The following C1QTNF3 variants were observed in gnomAD, a reference collection of about 807,000 sequenced individuals.
C1QTNF3 encodes the protein C1q and TNF related 3.
C1QTNF3 carries 26 observed loss-of-function variants against 32.6 expected under a neutral mutation model. That is an observed-to-expected ratio of 0.80 (90% confidence interval 0.58 to 1.11). The LOEUF is 1.11. Among genes scored for constraint, C1QTNF3 ranks in the 50% least tolerant of loss-of-function variants. C1QTNF3 has a pLI of 0.00. For synonymous variants in C1QTNF3, 155 were observed against 146.0 expected (o/e 1.06, Z -0.44); for missense variants, 362 against 398.2 (o/e 0.91, Z 0.77).
At chr5:34,070,438 CAT>C in the C1QTNF3 span, among the ~76,000 whole-genome samples, 1 of 152,106 alleles carries the variant, frequency 6.6e-6, no homozygotes, top group Non-Finnish European at 1.5e-5. Context: ...AAAACTATGA[CAT>C]ATTTAATATA....
At chr5:34,163,418 T>A in the C1QTNF3 span, among the ~76,000 whole-genome samples, 3 of 151,912 alleles carry the variant, frequency 2.0e-5, no homozygotes, top group African/African-American at 7.2e-5. Flanking sequence ...GCTACTATAG[T>A]TTTGCCTTAT....
the C1QTNF3 span, among the ~76,000 whole-genome samples, chr5:34,145,201 C>CA: frequency 6.6e-6 from 1 of 151,872 alleles, no homozygotes; most frequent in African/African-American, 2.4e-5. Context: ...AAAATCCATA[C>CA]AAAAGATACA....
chr5:34,205,838 C>T, the C1QTNF3 span, among the ~76,000 whole-genome samples: 1 of 148,942 alleles, frequency 6.7e-6, no homozygotes, highest in Non-Finnish European at 1.5e-5. Context: ...CCCTTAGCTA[C>T]AGGCACAGCT....
chr5:34,214,745 A>C, the C1QTNF3 span, among the ~76,000 whole-genome samples: 1 of 152,166 alleles, frequency 6.6e-6, no homozygotes, highest in Admixed American at 6.6e-5. Flanking sequence ...CCTCAGATGC[A>C]TCTCTAACGT....
At chr5:34,125,850 A>G in the C1QTNF3 span, among the ~76,000 whole-genome samples, 1 of 152,204 alleles carries the variant, frequency 6.6e-6, no homozygotes, top group Non-Finnish European at 1.5e-5. Flanking sequence ...CTTGACTTTA[A>G]TAGTCAATAC....
At chr5:34,142,620 AT>A in the C1QTNF3 span, among the ~76,000 whole-genome samples, 3 of 152,214 alleles carry the variant, frequency 2.0e-5, no homozygotes, top group African/African-American at 7.2e-5. Flanking sequence ...ATCTACTGTC[AT>A]TACTCTTACG....
chr5:34,225,518 C>T, the C1QTNF3 span, among the ~76,000 whole-genome samples: 1 of 151,938 alleles, frequency 6.6e-6, no homozygotes, highest in Non-Finnish European at 1.5e-5. Context: ...TTCATGATTT[C>T]TAGGACATCT....
chr5:34,020,663 G>A lies in C1QTNF3; in HGVS notation c.880C>T (p.Arg294Ter), dbSNP rs1173584671. ...CCATGGAGAGCGCCATTGCCCATTC[G>A]CAGCCAAACCTCATCCCCTTTGGCT... is the stretch of plus-strand genomic sequence containing the variant. ...KLAKGDEVWL[R>*]MGNGALHGDH... is the part of the protein sequence containing the mutation. Residue 294 changes from arginine (R) to a stop codon, truncating the protein, a stop_gained, in exon 6 of 6, where the codon CGA becomes TGA. Coordinates refer to ENST00000382065, the MANE Select transcript of C1QTNF3 (RefSeq NM_181435.6). LOFTEE classifies it high-confidence loss of function. 3.1e-6 allele frequency: 5 copies of A among 1,614,080 alleles called. No homozygotes were observed. The highest frequency in any genetic ancestry group is 1.7e-5 in the Admixed American group (1 of 60,008).
chr5:34,035,571 T>G, intron 2 of C1QTNF3, 76 bp downstream of exon 2: 1 of 1,075,500 alleles, frequency 9.3e-7, no homozygotes, highest in Non-Finnish European at 1.4e-6. Context: ...TGATCCCAAA[T>G]TATTAAGGTT....
the C1QTNF3 span, among the ~76,000 whole-genome samples, chr5:34,184,469 T>G: frequency 3.9e-5 from 6 of 152,374 alleles, no homozygotes; most frequent in African/African-American, 1.4e-4. Flanking sequence ...ATCCCAGCAC[T>G]TCAGGAGGCC....
chr5:34,063,355 GTCTCTGTCTCTCTCC>G, the C1QTNF3 span, among the ~76,000 whole-genome samples: 1 of 148,008 alleles, frequency 6.8e-6, no homozygotes, highest in African/African-American at 2.5e-5. Context: ...TCTCTCCTCT[GTCTCTGTCTCTCTCC>G]TCTCTGTCTC....
chr5:34,209,149 A>G, the C1QTNF3 span, among the ~76,000 whole-genome samples: 1 of 152,220 alleles, frequency 6.6e-6, no homozygotes, highest in African/African-American at 2.4e-5. Flanking sequence ...ACACCTTGAT[A>G]TTCTCGAATG....
At chr5:34,163,480 GATT>G in the C1QTNF3 span, among the ~76,000 whole-genome samples, 30 of 72,744 alleles carry the variant, frequency 4.1e-4, no homozygotes, top group South Asian at 2.5e-3. Context: ...TATTATGATT[GATT>G]ATTTTAATTA....
chr5:34,029,622 C>A (rs1426160482), intron 3 of C1QTNF3, among the ~76,000 whole-genome samples: 3 of 152,176 alleles, frequency 2.0e-5, no homozygotes, highest in Admixed American at 2.0e-4. Flanking sequence ...TGGATGGAGT[C>A]ATTGTGTGGG....
the C1QTNF3 span, among the ~76,000 whole-genome samples, chr5:34,107,743 C>T: frequency 6.6e-6 from 1 of 151,984 alleles, no homozygotes; most frequent in African/African-American, 2.4e-5. Context: ...TTTAGGTCAA[C>T]TTCCTCTGCT....
chr5:34,034,253 GA>G (rs1754684524), intron 2 of C1QTNF3, among the ~76,000 whole-genome samples: 1 of 152,004 alleles, frequency 6.6e-6, no homozygotes, highest in Admixed American at 6.5e-5. Context: ...TATCCATAGG[GA>G]AAAAAAGACA....
At chr5:34,026,456 C>CAAAAAAAAAAAAAAGAAAAGAAAAA (rs1754460605) in intron 4 of C1QTNF3, among the ~76,000 whole-genome samples, 1 of 92,788 alleles carries the variant, frequency 1.1e-5, no homozygotes. Flanking sequence ...AATCTGCCAG[C>CAAAAAAAAAAAAAAGAAAAGAAAAA]AAAAAAAAAA....
At chr5:34,212,323 C>T in the C1QTNF3 span, among the ~76,000 whole-genome samples, 1 of 152,122 alleles carries the variant, frequency 6.6e-6, no homozygotes, top group Non-Finnish European at 1.5e-5. Context: ...CTAGGCATTA[C>T]CATTCAGGAC....
chr5:34,085,293 C>T, the C1QTNF3 span, among the ~76,000 whole-genome samples: 1 of 150,350 alleles, frequency 6.7e-6, no homozygotes, highest in Non-Finnish European at 1.5e-5. Flanking sequence ...CCATGCCCGG[C>T]CACATTTAAG....
Sources: allele counts gnomAD v4.1 joint callset (sites outside exome capture counted in the v4.1 genomes callset), GRCh38; gene constraint gnomAD v4.1.1; transcripts MANE v1.5; gene names NCBI Gene and HGNC (gene_info 2026-07-23, HGNC 2026-07-21).